RAB38: variants seen among roughly 807,000 people sequenced by gnomAD.
RAB38 encodes the protein ras-related protein Rab-38.
A neutral mutation model predicts 18.4 loss-of-function variants in RAB38; 15 were observed. The ratio of observed to expected loss-of-function variants is 0.82; its 90% confidence interval spans 0.55 to 1.26. The LOEUF is 1.26. RAB38 is among the 50% of genes most tolerant of loss of function. RAB38 has a pLI of 0.00. For synonymous variants in RAB38, 101 were observed against 104.4 expected (o/e 0.97, Z 0.20); for missense variants, 294 against 267.4 (o/e 1.10, Z -0.69).
the RAB38 span, among the ~76,000 whole-genome samples, chr11:88,101,954 A>G: frequency 6.6e-6 from 1 of 151,960 alleles, no homozygotes; most frequent in East Asian, 1.9e-4. Context: ...TGAAAGAGGA[A>G]TTGGAATGGT....
chr11:88,044,754 A>G, the RAB38 span, among the ~76,000 whole-genome samples: 3 of 151,554 alleles, frequency 2.0e-5, no homozygotes, highest in African/African-American at 7.3e-5. Flanking sequence ...CTCAGTCCCA[A>G]CCCCAAGTGT....
intron 1 of RAB38, among the ~76,000 whole-genome samples, chr11:88,162,409 A>G (rs957324985): frequency 2.0e-5 from 3 of 152,092 alleles, no homozygotes; most frequent in Non-Finnish European, 2.9e-5. Flanking sequence ...TAAGCATTCA[A>G]TATGGTCCCC....
At chr11:88,028,720 G>A in the RAB38 span, among the ~76,000 whole-genome samples, 5,062 of 152,196 alleles carry the variant, frequency 0.033, 218 homozygotes, top group South Asian at 0.074. Context: ...CAAGAAATAT[G>A]GGACTATGTG....
the RAB38 span, among the ~76,000 whole-genome samples, chr11:87,974,568 G>A: frequency 6.6e-6 from 1 of 151,566 alleles, no homozygotes; most frequent in South Asian, 2.1e-4. Context: ...AAAAAAATTT[G>A]GAGAAATAAT....
At chr11:88,071,473 A>G in the RAB38 span, among the ~76,000 whole-genome samples, 1 of 152,218 alleles carries the variant, frequency 6.6e-6, no homozygotes, top group Admixed American at 6.5e-5. Context: ...TGCTGCACCA[A>G]TGCAAAACAG....
At chr11:88,162,311 T>C (rs1943195974) in intron 1 of RAB38, among the ~76,000 whole-genome samples, 1 of 152,166 alleles carries the variant, frequency 6.6e-6, no homozygotes, top group Non-Finnish European at 1.5e-5. Context: ...ACTTACCTGG[T>C]ACAATCTTCC....
the RAB38 span, among the ~76,000 whole-genome samples, chr11:87,849,701 A>C: frequency 6.6e-6 from 1 of 152,138 alleles, no homozygotes; most frequent in African/African-American, 2.4e-5. Flanking sequence ...AAGGGAAATA[A>C]TCATTGTTTT....
At chr11:87,927,504 G>A in the RAB38 span, among the ~76,000 whole-genome samples, 30 of 151,710 alleles carry the variant, frequency 2.0e-4, no homozygotes, top group East Asian at 5.9e-3. Context: ...CCACATACTC[G>A]TCTCTTAACC....
the RAB38 span, among the ~76,000 whole-genome samples, chr11:88,005,365 A>T: frequency 5.9e-3 from 894 of 150,552 alleles, 10 homozygotes; most frequent in African/African-American, 0.021. Context: ...AACAGAAGTG[A>T]CAAGGCAATT....
the RAB38 span, among the ~76,000 whole-genome samples, chr11:88,085,877 G>A: frequency 1.3e-5 from 2 of 152,026 alleles, no homozygotes; most frequent in South Asian, 4.2e-4. Flanking sequence ...AGAAGGAGAA[G>A]AGTTGAGGCT....
chr11:87,863,327 G>T, the RAB38 span, among the ~76,000 whole-genome samples: 1 of 151,796 alleles, frequency 6.6e-6, no homozygotes, highest in African/African-American at 2.4e-5. Flanking sequence ...TACTGAAAGT[G>T]TCAAGTACCC....
the RAB38 span, among the ~76,000 whole-genome samples, chr11:87,820,891 G>T: frequency 6.6e-6 from 1 of 152,078 alleles, no homozygotes; most frequent in African/African-American, 2.4e-5. Flanking sequence ...AGAGAGAGAA[G>T]AATAAAAATT....
At chr11:88,081,629 C>A in the RAB38 span, among the ~76,000 whole-genome samples, 4 of 151,878 alleles carry the variant, frequency 2.6e-5, no homozygotes, top group African/African-American at 9.7e-5. Context: ...CCCTCTGTGT[C>A]GCTGTGTGTT....
At chr11:88,125,892 A>G (rs931600055) in intron 2 of RAB38, among the ~76,000 whole-genome samples, 1 of 152,172 alleles carries the variant, frequency 6.6e-6, no homozygotes, top group Non-Finnish European at 1.5e-5. Context: ...TAATTTTTGT[A>G]TAAGGTGTAA....
At chr11:88,022,393 G>A in the RAB38 span, among the ~76,000 whole-genome samples, 4 of 151,408 alleles carry the variant, frequency 2.6e-5, no homozygotes, top group African/African-American at 9.7e-5. Flanking sequence ...AGCTAGTATT[G>A]TACTGAATGG....
rs148391162 is a variant in RAB38, at chr11:88,153,763, T to C, written c.203-3808A>G. On this transcript the variant is annotated intron_variant, in intron 1 of 2. Transcript: ENST00000243662. Reference sequence around the variant, plus strand: ...TGCAGAGATCAGGAATTTGTATTTTTAAGCCATCTCTAAGTGATGTTAGTG... The same window carrying C: ...TGCAGAGATCAGGAATTTGTATTTTCAAGCCATCTCTAAGTGATGTTAGTG... Among the ~76,000 whole-genome samples the C allele has an allele frequency of 4.7e-3, 710 of 152,362 alleles. 6 individuals carry two copies. The highest frequency in any genetic ancestry group is 0.013 in the African/African-American group (556 of 41,582).
chr11:87,954,779 T>TAA, the RAB38 span, among the ~76,000 whole-genome samples: 2 of 152,102 alleles, frequency 1.3e-5, no homozygotes, highest in African/African-American at 2.4e-5. Flanking sequence ...CACTTTTAGC[T>TAA]AAAATGTGAT....
the RAB38 span, among the ~76,000 whole-genome samples, chr11:88,025,985 A>G: frequency 6.6e-6 from 1 of 152,092 alleles, no homozygotes; most frequent in East Asian, 1.9e-4. Flanking sequence ...TTTCTTCTAA[A>G]GATGGAGTCT....
At chr11:88,011,484 T>C in the RAB38 span, among the ~76,000 whole-genome samples, 1 of 152,326 alleles carries the variant, frequency 6.6e-6, no homozygotes, top group African/African-American at 2.4e-5. Flanking sequence ...AAATAAATGT[T>C]GTAGTCCAAA....
Sources: gnomAD v4.1 joint callset for allele counts (sites outside exome capture counted in the v4.1 genomes callset) on GRCh38, gnomAD v4.1.1 for gene constraint, MANE v1.5 for transcripts, NCBI Gene and HGNC (gene_info 2026-07-23, HGNC 2026-07-21) for gene names.